Variants in CSMD1 observed in about 807,000 individuals in gnomAD.
The protein encoded by CSMD1 is CUB and Sushi multiple domains 1.
In CSMD1, 213 loss-of-function variants were observed where a neutral mutation model predicts 417.5. That is an observed-to-expected ratio of 0.51 (90% confidence interval 0.46 to 0.57). The LOEUF (loss-of-function observed/expected upper bound fraction) is 0.57. Among genes scored for constraint, CSMD1 ranks in the 20% least tolerant of loss-of-function variants. The pLI is 0.00. For synonymous variants in CSMD1, 2,862 were observed against 1,736.8 expected (o/e 1.65, Z -16.11); for missense variants, 6,923 against 4,529.7 (o/e 1.53, Z -15.17).
chr8:3,503,109 A>G (rs1469900229), intron 10 of CSMD1, among the ~76,000 whole-genome samples: 3 of 152,228 alleles, frequency 2.0e-5, no homozygotes, highest in Non-Finnish European at 2.9e-5. Context: ...TCTGTATGCA[A>G]CACATACCAA....
intron 6 of CSMD1, among the ~76,000 whole-genome samples, chr8:3,720,653 A>C (rs916529599): frequency 1.3e-5 from 2 of 150,402 alleles, no homozygotes; most frequent in African/African-American, 2.4e-5. Flanking sequence ...ACACACACAC[A>C]CACCAGCACA....
intron 5 of CSMD1, among the ~76,000 whole-genome samples, chr8:3,839,688 G>C (rs958222169): frequency 6.8e-6 from 1 of 147,620 alleles, no homozygotes; most frequent in Admixed American, 7.0e-5. Context: ...TCCTTCATTT[G>C]GGAGCTGTTG....
chr8:3,254,026 C>G (rs866881972), intron 26 of CSMD1, among the ~76,000 whole-genome samples: 1 of 152,152 alleles, frequency 6.6e-6, no homozygotes, highest in Non-Finnish European at 1.5e-5. Context: ...TTGTTCCTTT[C>G]CATGTTTAGT....
intron 3 of CSMD1, among the ~76,000 whole-genome samples, chr8:4,125,732 G>C (rs1457334197): frequency 6.6e-6 from 1 of 152,126 alleles, no homozygotes; most frequent in Non-Finnish European, 1.5e-5. Flanking sequence ...TCAGTTCACA[G>C]TTTGACTCTG....
intron 5 of CSMD1, among the ~76,000 whole-genome samples, chr8:3,954,883 G>A (rs1294968443): frequency 6.6e-6 from 1 of 152,168 alleles, no homozygotes; most frequent in African/African-American, 2.4e-5. Context: ...TTATTCTGGT[G>A]GAGGGTACGT....
intron 21 of CSMD1, among the ~76,000 whole-genome samples, chr8:3,350,196 ATGTG>A (rs202004304): frequency 2.5e-5 from 3 of 121,398 alleles, no homozygotes; most frequent in East Asian, 4.5e-4. Flanking sequence ...TAACTTGTGT[ATGTG>A]TGTGTTATAA....
chr8:3,115,836 G>A (rs13255083), intron 42 of CSMD1, among the ~76,000 whole-genome samples: 1 of 152,164 alleles, frequency 6.6e-6, no homozygotes, highest in Admixed American at 6.5e-5. Context: ...ACATCGAGAA[G>A]TTGTTTAAAG....
intron 1 of CSMD1, among the ~76,000 whole-genome samples, chr8:4,641,727 A>T: frequency 6.6e-6 from 1 of 152,324 alleles, no homozygotes; most frequent in East Asian, 1.9e-4. Flanking sequence ...GTCATAACAT[A>T]TATCACAATA....
chr8:3,424,572 A>T (rs1813702219), intron 12 of CSMD1, among the ~76,000 whole-genome samples: 1 of 152,240 alleles, frequency 6.6e-6, no homozygotes, highest in African/African-American at 2.4e-5. Flanking sequence ...ACTTAGTAAA[A>T]CAATATGACT....
intron 49 of CSMD1, among the ~76,000 whole-genome samples, chr8:3,072,572 G>A (rs945873022): frequency 2.6e-5 from 4 of 152,220 alleles, no homozygotes; most frequent in African/African-American, 9.6e-5. Flanking sequence ...ATGTGCATGT[G>A]TGCCTGGGTT....
chr8:3,656,467 C>A (rs1334178735), intron 7 of CSMD1, among the ~76,000 whole-genome samples: 2 of 152,122 alleles, frequency 1.3e-5, no homozygotes, highest in Non-Finnish European at 2.9e-5. Context: ...GTTTGGTGGA[C>A]AGAAATCTGC....
At chr8:4,061,625 G>A (rs1001481283) in intron 3 of CSMD1, among the ~76,000 whole-genome samples, 5 of 152,190 alleles carry the variant, frequency 3.3e-5, no homozygotes, top group African/African-American at 1.2e-4. Context: ...TTACCAGACA[G>A]ATTCTGCAAG....
intron 3 of CSMD1, among the ~76,000 whole-genome samples, chr8:4,261,614 T>C (rs1159919373): frequency 1.3e-5 from 2 of 152,108 alleles, no homozygotes; most frequent in African/African-American, 4.8e-5. Context: ...CTTGCTATGT[T>C]GCGCAGGCTA....
chr8:4,625,429 G>A (rs906751169), intron 2 of CSMD1, among the ~76,000 whole-genome samples: 14 of 151,986 alleles, frequency 9.2e-5, no homozygotes, highest in African/African-American at 2.7e-4. Context: ...CTTTGAGAGT[G>A]CCTTATTTTA....
chr8:4,749,391 G>A (rs1333391917), intron 1 of CSMD1, among the ~76,000 whole-genome samples: 2 of 152,216 alleles, frequency 1.3e-5, no homozygotes, highest in Admixed American at 1.3e-4. Context: ...CCTTGATAGT[G>A]TAAACACTTC....
chr8:4,228,483 C>G (rs538013325), intron 3 of CSMD1, among the ~76,000 whole-genome samples: 1 of 152,044 alleles, frequency 6.6e-6, no homozygotes, highest in East Asian at 1.9e-4. Context: ...TCCACTGTAT[C>G]CTCCCCCAAC....
At chr8:4,650,367 A>G (rs1258638271) in intron 1 of CSMD1, among the ~76,000 whole-genome samples, 1 of 150,184 alleles carries the variant, frequency 6.7e-6, no homozygotes, top group African/African-American at 2.5e-5. Context: ...AAAAAAAAAA[A>G]AAAAAATCAA....
At chr8:4,070,483 G>C (rs895637628) in intron 3 of CSMD1, among the ~76,000 whole-genome samples, 2 of 151,868 alleles carry the variant, frequency 1.3e-5, no homozygotes, top group African/African-American at 2.4e-5. Flanking sequence ...TCAGCCTCCC[G>C]AGTAGCTGGG....
At chr8:3,439,281 G>GTATATATATATATATATATATATATATA (rs1168340584) in intron 12 of CSMD1, among the ~76,000 whole-genome samples, 8 of 54,332 alleles carry the variant, frequency 1.5e-4, no homozygotes, top group Admixed American at 4.9e-4. Context: ...GGCAATGTCA[G>GTATATATATATATATATATATATATATA]TATATATATA....
Sources: allele counts gnomAD v4.1 joint callset (sites outside exome capture counted in the v4.1 genomes callset), GRCh38; gene constraint gnomAD v4.1.1; transcripts MANE v1.5; gene names NCBI Gene and HGNC (gene_info 2026-07-23, HGNC 2026-07-21).